Variants in FRMD6 observed in about 807,000 individuals in gnomAD.
FRMD6 encodes FERM domain-containing protein 6.
Under a neutral mutation model 73.2 loss-of-function variants are expected in FRMD6, and 37 were observed. The observed-to-expected ratio is 0.51, with a 90% CI of 0.39 to 0.66. The LOEUF (loss-of-function observed/expected upper bound fraction) is 0.66. Among genes scored for constraint, FRMD6 ranks in the 30% least tolerant of loss-of-function variants. FRMD6 has a pLI of 0.00. For missense variants in FRMD6, 714 were observed against 780.5 expected, an observed-to-expected ratio of 0.91 and a Z score of 1.02; for synonymous variants, 273 against 282.2, an observed-to-expected ratio of 0.97 and a Z score of 0.33.
chr14:51,478,495 T>C, the FRMD6 span, among the ~76,000 whole-genome samples: 5 of 152,230 alleles, frequency 3.3e-5, no homozygotes, highest in African/African-American at 1.2e-4. Flanking sequence ...TGAATTCCAA[T>C]TGAGCCAATG....
intron 2 of FRMD6, among the ~76,000 whole-genome samples, chr14:51,644,206 G>A (rs1426241881): frequency 1.3e-5 from 2 of 152,066 alleles, no homozygotes; most frequent in Admixed American, 6.6e-5. Flanking sequence ...AGTGATATAA[G>A]GTGTCCCATT....
the FRMD6 span, among the ~76,000 whole-genome samples, chr14:51,476,136 C>G: frequency 6.6e-6 from 1 of 152,230 alleles, no homozygotes; most frequent in Non-Finnish European, 1.5e-5. Flanking sequence ...ATCAATTTCT[C>G]TCTTTCCACA....
At chr14:51,580,127 C>T (rs1243600234) in intron 2 of FRMD6, among the ~76,000 whole-genome samples, 5 of 149,734 alleles carry the variant, frequency 3.3e-5, no homozygotes, top group South Asian at 2.1e-4. Flanking sequence ...TTGTGTGCAC[C>T]GTGTGTGTGT....
At chr14:51,462,545 T>C in the FRMD6 span, among the ~76,000 whole-genome samples, 2 of 152,234 alleles carry the variant, frequency 1.3e-5, no homozygotes, top group Non-Finnish European at 2.9e-5. Context: ...ACCAAATGGG[T>C]AGACCCCACC....
At chr14:51,713,320 T>C (rs966029734) in intron 9 of FRMD6, among the ~76,000 whole-genome samples, 4 of 152,014 alleles carry the variant, frequency 2.6e-5, no homozygotes, top group Admixed American at 6.6e-5. Flanking sequence ...TAGTTGGGCA[T>C]AGTGGTGGGC....
chr14:51,679,655 A>T (rs570046516), intron 1 of FRMD6, among the ~76,000 whole-genome samples: 1 of 147,630 alleles, frequency 6.8e-6, no homozygotes, highest in Non-Finnish European at 1.5e-5. Context: ...AAGATCTTTT[A>T]ATTTCCCTTG....
At chr14:51,640,905 T>C (rs923855607) in intron 2 of FRMD6, among the ~76,000 whole-genome samples, 5 of 152,236 alleles carry the variant, frequency 3.3e-5, no homozygotes, top group Non-Finnish European at 5.9e-5. Context: ...TAATTTTCCA[T>C]GGTAAGAGCT....
the FRMD6 span, among the ~76,000 whole-genome samples, chr14:51,428,578 G>A: frequency 2.6e-5 from 4 of 152,196 alleles, no homozygotes; most frequent in African/African-American, 4.8e-5. Flanking sequence ...CCTCCAGTCT[G>A]AGCCTGTTGC....
the FRMD6 span, among the ~76,000 whole-genome samples, chr14:51,400,655 G>A: frequency 6.6e-6 from 1 of 152,020 alleles, no homozygotes; most frequent in African/African-American, 2.4e-5. Context: ...AACTATAACA[G>A]CATAAACAGG....
At chr14:51,609,915 A>G (rs975709303) in intron 2 of FRMD6, among the ~76,000 whole-genome samples, 26 of 152,238 alleles carry the variant, frequency 1.7e-4, no homozygotes, top group African/African-American at 6.3e-4. Context: ...TCCGAAGCCC[A>G]TTCCTCTGCT....
the FRMD6 span, among the ~76,000 whole-genome samples, chr14:51,431,014 G>T: frequency 6.6e-6 from 1 of 152,174 alleles, no homozygotes. Context: ...GTGTGTGTGT[G>T]TTTATGAGGA....
At chr14:51,496,587 C>T (rs939260108) in intron 1 of FRMD6, among the ~76,000 whole-genome samples, 1 of 152,206 alleles carries the variant, frequency 6.6e-6, no homozygotes, top group Admixed American at 6.5e-5. Context: ...GAAGCCTCTT[C>T]AGATCTGGGC....
At chr14:51,605,069 C>A (rs1361013854) in intron 2 of FRMD6, among the ~76,000 whole-genome samples, 1 of 151,846 alleles carries the variant, frequency 6.6e-6, no homozygotes, top group Non-Finnish European at 1.5e-5. Flanking sequence ...ATCTCTACCC[C>A]TGCCTGGCCA....
chr14:51,566,138 C>T (rs1357966962), intron 1 of FRMD6, among the ~76,000 whole-genome samples: 1 of 152,228 alleles, frequency 6.6e-6, no homozygotes, highest in Non-Finnish European at 1.5e-5. Context: ...GAACTCTAGC[C>T]TGGGCGACAG....
chr14:51,641,042 C>T (rs1468655854), intron 2 of FRMD6, among the ~76,000 whole-genome samples: 3 of 152,066 alleles, frequency 2.0e-5, no homozygotes, highest in Non-Finnish European at 2.9e-5. Context: ...ACGATCTCAG[C>T]TCACTGCAAC....
chr14:51,454,710 T>G, the FRMD6 span: 1 of 152,204 alleles, frequency 6.6e-6, no homozygotes, highest in African/African-American at 2.4e-5. Context: ...TCTTGAGCAG[T>G]TACAGCTCTT....
chr14:51,593,348 C>T (rs1342332431), intron 2 of FRMD6, among the ~76,000 whole-genome samples: 1 of 152,160 alleles, frequency 6.6e-6, no homozygotes, highest in Non-Finnish European at 1.5e-5. Flanking sequence ...TCACCCTTTC[C>T]TGAAGAATGT....
Position 51,730,442 on chromosome 14 carries a change from G to A in FRMD6, c.*2413G>A, listed in dbSNP as rs1437999775. 1 of 152,256 alleles carries A rather than the reference G, an allele frequency of 6.6e-6. No homozygotes were observed. The highest frequency in any genetic ancestry group is 2.4e-5 in the African/African-American group (1 of 41,434). The allele number at this position is 152,256 out of a possible 1,614,324, so 9.4% of individuals were successfully genotyped here. ...TGGAAATTGTTTTTAAAAATAAAAA[G>A]GAAAGGAAATATATAAAGCTGTTAT... On this transcript the variant is annotated 3_prime_UTR_variant, in exon 14 of 14. Transcript: ENST00000344768.
upstream of FRMD6, among the ~76,000 whole-genome samples, chr14:51,485,301 CTG>C (rs529361094): frequency 5.4e-4 from 83 of 152,350 alleles, no homozygotes; most frequent in African/African-American, 1.9e-3. Flanking sequence ...CCCTGTCTCT[CTG>C]TGTTTCTTCT....
Sources: allele counts gnomAD v4.1 joint callset (sites outside exome capture counted in the v4.1 genomes callset), GRCh38; gene constraint gnomAD v4.1.1; transcripts MANE v1.5; gene names NCBI Gene and HGNC (gene_info 2026-07-23, HGNC 2026-07-21).